Variants in WEE1 observed in about 807,000 individuals in gnomAD.
WEE1 encodes the protein wee1-like protein kinase.
A neutral mutation model predicts 68.8 loss-of-function variants in WEE1; 16 were observed. The ratio of observed to expected loss-of-function variants is 0.23; its 90% CI spans 0.16 to 0.35. The LOEUF is 0.35. Among genes scored for constraint, WEE1 ranks in the 10% least tolerant of loss-of-function variants. WEE1 has a pLI of 1.00. For missense variants in WEE1, 651 were observed against 824.1 expected, an observed-to-expected ratio of 0.79 and a Z score of 2.57; for synonymous variants, 349 against 318.7, an observed-to-expected ratio of 1.09 and a Z score of -1.01.
rs1849741151 is a variant in WEE1, at chr11:9,589,691, A to G, written c.*1089A>G. Reference sequence around the variant, plus strand: ...TAATTTTGGTCTAAAACATGTTTGCACTTGTCTTTGACTTGTGTTTTATTA... The same window carrying G: ...TAATTTTGGTCTAAAACATGTTTGCGCTTGTCTTTGACTTGTGTTTTATTA... On this transcript the variant is annotated 3_prime_UTR_variant, in exon 11 of 11. Coordinates refer to ENST00000450114, the MANE Select transcript of WEE1 (RefSeq NM_003390.4). The G allele has an allele frequency of 8.1e-6, 8 of 985,648 alleles. 1 individual carries two copies. The South Asian group carries it at 3.3e-4, about 40-fold the overall frequency. 61.1% of individuals were successfully genotyped at this position (985,648 alleles called of 1,614,324 possible).
At chr11:9,575,665 G>T in intron 1 of WEE1, 1 of 562,274 alleles carries the variant, frequency 1.8e-6, no homozygotes, top group Non-Finnish European at 3.1e-6. Context: ...TAGGGTTAGA[G>T]GCAGATTTTA....
Position 9,581,691 on chromosome 11 carries a change from G to C in WEE1, c.1288+13G>C, listed in dbSNP as rs1335023671. On this transcript the variant is annotated intron_variant, in intron 6 of 10. Transcript: ENST00000450114. ...GATATAAAACCTAGTAAGTATTGCAGATCTTCTGACCTGTGTTCTTTGGGG... is the reference window on the plus strand; with the variant it reads ...GATATAAAACCTAGTAAGTATTGCACATCTTCTGACCTGTGTTCTTTGGGG... 1.9e-6 allele frequency: 3 copies of C among 1,604,196 alleles called. No individual in the cohort carries two copies. In the Admixed American group the frequency reaches 5.3e-5, roughly 28 times the overall value.
chr11:9,585,537 C>G lies in WEE1; in HGVS notation c.1470+10C>G. 1 of 1,570,848 alleles carries G rather than the reference C, an allele frequency of 6.4e-7. No individual in the cohort carries two copies. Among genetic ancestry groups the G allele is most frequent in the Middle Eastern group, 1.7e-4 (1 of 5,864 alleles). On this transcript the variant is annotated intron_variant, in intron 8 of 10. Coordinates refer to ENST00000450114, the MANE Select transcript of WEE1 (RefSeq NM_003390.4). ...TGAAGTTTTACAGGAGGTAATTTTT[C>G]TTCTCCCTTAATCATAGTTTGCTTT...
chr11:9,581,820 G>T lies in WEE1; in HGVS notation c.1288+142G>T, dbSNP rs887395472. 1.0e-4 allele frequency: 87 copies of T among 836,710 alleles called. No homozygotes were observed. In the South Asian group the frequency reaches 1.8e-3, roughly 18 times the overall value. The allele number at this position is 836,710 out of a possible 1,614,324, so 51.8% of individuals were successfully genotyped here. A position where few individuals can be genotyped will look rare whatever the true frequency, so the allele number is the denominator to read the frequency against. On this transcript the variant is annotated intron_variant, in intron 6 of 10. Transcript: ENST00000450114. ...GGCCTTAGATCCACTTACCAATATT[G>T]TTTTATGATTTCTATTCATCTCTTC...
At chr11:9,584,142 G>A (rs1015453196) in intron 6 of WEE1, among the ~76,000 whole-genome samples, 7 of 150,698 alleles carry the variant, frequency 4.6e-5, no homozygotes, top group African/African-American at 7.3e-5. Flanking sequence ...CACCACTCCC[G>A]GCCTTATTTT....
intron 8 of WEE1, among the ~76,000 whole-genome samples, 185 bp downstream of exon 8, chr11:9,585,712 G>T (rs1277302926): frequency 1.3e-5 from 2 of 151,834 alleles, no homozygotes; most frequent in African/African-American, 2.4e-5. Flanking sequence ...TGGAGTTGTC[G>T]TAAAAAATAT....
chr11:9,585,102 G>C, intron 6 of WEE1, 156 bp from the exon 7 acceptor site: 1 of 631,532 alleles, frequency 1.6e-6, no homozygotes, highest in Non-Finnish European at 2.7e-6. Flanking sequence ...TATAACCCTG[G>C]TTTCTGTCCC....
In WEE1 at chr11:9,574,228, T is replaced by C; in HGVS notation, c.295T>C (p.Cys99Arg). 1 of 1,185,274 alleles carries C rather than the reference T, an allele frequency of 8.4e-7. No homozygotes were observed. The allele number at this position is 1,185,274 out of a possible 1,614,324, so 73.4% of individuals were successfully genotyped here. A position where few individuals can be genotyped will look rare whatever the true frequency, so the allele number is the denominator to read the frequency against. ...GGAGGACCTGTTGCTGCCCGGCGCC[T>C]GCCCGGGCGCGGACGAGGCGGGCGG... ...LEEDLLLPGA[C>R]PGADEAGGGA... The change falls in exon 1 of 11, where the codon TGC becomes CGC. Residue 99 changes from cysteine (C) to arginine (R), a missense_variant. Transcript: ENST00000450114. This position sits in a 1 kb window ranked among gnomAD's most constrained non-coding sequence, Gnocchi z 4.9.
Position 9,574,655 on chromosome 11 carries a change from T to C in WEE1, c.576+146T>C, listed in dbSNP as rs1011084193. ...CCCCCAAAGTTGGCAGCCCTTGTGTTTGGCCCTGCCCCGAGGTTGTCCGTT... is the reference window on the plus strand; with the variant it reads ...CCCCCAAAGTTGGCAGCCCTTGTGTCTGGCCCTGCCCCGAGGTTGTCCGTT... On this transcript the variant is annotated intron_variant, in intron 1 of 10. Transcript: ENST00000450114. The surrounding 1 kb of genome is among the most constrained non-coding windows in gnomAD (Gnocchi z 4.9). 6.3e-6 allele frequency: 7 copies of C among 1,112,542 alleles called. No individual in the cohort carries two copies. The African/African-American group carries it at 8.3e-5, about 13-fold the overall frequency. The allele number at this position is 1,112,542 out of a possible 1,614,324, so 68.9% of individuals were successfully genotyped here.
Position 9,574,915 on chromosome 11 carries a change from A to T in WEE1, c.576+406A>T. The T allele has an allele frequency of 2.0e-6, 2 of 985,968 alleles. No homozygotes were observed. The highest frequency in any genetic ancestry group is 2.4e-6 in the Non-Finnish European group (2 of 830,382). The allele number at this position is 985,968 out of a possible 1,614,324, so 61.1% of individuals were successfully genotyped here. ...TTTTAAACGCGGCGATCGGGCCTGT[A>T]ATTTGGGCGGCGCGGGCAGAAGGAG... is the stretch of plus-strand genomic sequence containing the variant. On this transcript the variant is annotated intron_variant, in intron 1 of 10. Coordinates refer to ENST00000450114, the MANE Select transcript of WEE1 (RefSeq NM_003390.4). The surrounding 1 kb of genome is among the most constrained non-coding windows in gnomAD (Gnocchi z 4.9).
In WEE1 at chr11:9,586,833, G is replaced by A. The variant is rs1258011377; in HGVS notation, c.1764G>A (p.Lys588=). 6.2e-7 allele frequency: 1 copy of A among 1,607,546 alleles called. No homozygotes were observed. ...EQLRIELNAE[K]FKNSLLQKEL... is the part of the protein sequence containing the mutation. ...TACGAATAGAATTGAATGCCGAAAAGTTCAAAAATTCACTTTTACAAAAGT... is the reference window on the plus strand; with the variant it reads ...TACGAATAGAATTGAATGCCGAAAAATTCAAAAATTCACTTTTACAAAAGT... The change falls in exon 10 of 11, where the codon AAG becomes AAA. Residue 588 remains lysine, a synonymous_variant. Coordinates refer to ENST00000450114, the MANE Select transcript of WEE1 (RefSeq NM_003390.4).
intron 10 of WEE1, 69 bp from the exon 11 acceptor site, chr11:9,588,380 A>G: frequency 1.8e-6 from 2 of 1,126,482 alleles, no homozygotes; most frequent in Non-Finnish European, 2.4e-6. Flanking sequence ...CCAATCGACA[A>G]TATAGTTTGT....
rs923811282 is a variant in WEE1, at chr11:9,573,888, C to A, written c.-46C>A. 1.1e-5 allele frequency: 13 copies of A among 1,214,382 alleles called. No individual in the cohort carries two copies. In the East Asian group the frequency reaches 4.3e-4, roughly 40 times the overall value. 75.2% of individuals were successfully genotyped at this position (1,214,382 alleles called of 1,614,324 possible). A position where few individuals can be genotyped will look rare whatever the true frequency, so the allele number is the denominator to read the frequency against. ...CCCAGGCCCGCAGTGTCCTGGACCCCGCAGGCCTCCGCTCTCCTGTCCTCG... is the reference window on the plus strand; with the variant it reads ...CCCAGGCCCGCAGTGTCCTGGACCCAGCAGGCCTCCGCTCTCCTGTCCTCG... On this transcript the variant is annotated 5_prime_UTR_variant, in exon 1 of 11. Coordinates refer to ENST00000450114, the MANE Select transcript of WEE1 (RefSeq NM_003390.4).
At chr11:9,578,230 T>C (rs1359222984) in intron 5 of WEE1, 1 of 175,136 alleles carries the variant, frequency 5.7e-6, no homozygotes, top group Non-Finnish European at 1.2e-5. Flanking sequence ...ACAAAATTTA[T>C]TTTTGTTGAT....
intron 5 of WEE1, chr11:9,580,825 A>G (rs749229110): frequency 1.3e-5 from 2 of 152,234 alleles, no homozygotes; most frequent in Non-Finnish European, 2.9e-5. Context: ...TTGTCTTTGT[A>G]TATTGGTATA....
At chr11:9,575,434 T>G in intron 1 of WEE1, 1 of 998,102 alleles carries the variant, frequency 1.0e-6, no homozygotes, top group Non-Finnish European at 1.2e-6. Context: ...TCTGTGTGCT[T>G]TCGAGCTGTA....
intron 10 of WEE1, 71 bp downstream of exon 10, chr11:9,586,927 A>G (rs530881017): frequency 6.8e-7 from 1 of 1,477,680 alleles, no homozygotes; most frequent in East Asian, 2.3e-5. Flanking sequence ...ATGAGAGATG[A>G]TTTAAGCTTT....
chr11:9,586,762 A>C lies in WEE1; in HGVS notation c.1693A>C (p.Lys565Gln), dbSNP rs776589600. The part of the protein sequence containing the change: ...ERRPSAMALV[K>Q]HSVLLSASRK... ...AAGACCTTCAGCAATGGCACTGGTAAAGCATTCAGTATTGCTGTCCGCTTC... is the reference window on the plus strand; with the variant it reads ...AAGACCTTCAGCAATGGCACTGGTACAGCATTCAGTATTGCTGTCCGCTTC... The change falls in exon 10 of 11, where the codon AAG becomes CAG. Residue 565 changes from lysine (K) to glutamine (Q), a missense_variant. Transcript: ENST00000450114. 4.3e-6 allele frequency: 7 copies of C among 1,614,132 alleles called. No individual in the cohort carries two copies. Among genetic ancestry groups the C allele is most frequent in the Non-Finnish European group, 5.9e-6 (7 of 1,179,984 alleles).
At position 9,577,091 on chromosome 11, in the gene WEE1, A is replaced by G. The variant is rs3879077; in HGVS notation, c.1020-51A>G. 45 of 1,564,310 alleles carry G rather than the reference A, an allele frequency of 2.9e-5. No individual in the cohort carries two copies. The African/African-American group carries it at 4.5e-4, about 16-fold the overall frequency. On this transcript the variant is annotated intron_variant, in intron 4 of 10. Coordinates refer to ENST00000450114, the MANE Select transcript of WEE1 (RefSeq NM_003390.4). ...AGTTTCAGATAAATTAATTCAGTTT[A>G]AGCTTGAGTGAAAATTATTTACCAT...
Sources: allele counts gnomAD v4.1 joint callset (sites outside exome capture counted in the v4.1 genomes callset), GRCh38; gene constraint gnomAD v4.1.1; non-coding constraint Gnocchi (gnomAD v3.1); transcripts MANE v1.5; gene names NCBI Gene and HGNC (gene_info 2026-07-23, HGNC 2026-07-21).